Variants in RAPGEF4 observed in about 807,000 individuals in gnomAD.
The protein encoded by RAPGEF4 is Rap guanine nucleotide exchange factor 4.
Under a neutral mutation model 147.9 loss-of-function variants are expected in RAPGEF4, and 66 were observed. The ratio of observed to expected loss-of-function variants is 0.45; its 90% CI spans 0.37 to 0.55. The LOEUF (loss-of-function observed/expected upper bound fraction) is 0.55. Among genes scored for constraint, RAPGEF4 ranks in the 20% least tolerant of loss-of-function variants. RAPGEF4 has a pLI of 0.00. For missense variants in RAPGEF4, 1,071 were observed against 1,257.3 expected (o/e 0.85, Z 2.24); for synonymous variants, 419 against 442.7 (o/e 0.95, Z 0.67).
At chr2:172,833,635 G>A (rs759053964) in intron 4 of RAPGEF4, among the ~76,000 whole-genome samples, 2 of 152,180 alleles carry the variant, frequency 1.3e-5, no homozygotes, top group Non-Finnish European at 2.9e-5. Flanking sequence ...TGTATCTACA[G>A]TTTATGAGAT....
intron 17 of RAPGEF4, among the ~76,000 whole-genome samples, chr2:173,013,810 G>A (rs991535898): frequency 6.6e-6 from 1 of 152,166 alleles, no homozygotes; most frequent in African/African-American, 2.4e-5. Context: ...AATGTGCAAA[G>A]AGCCAGTAAG....
At chr2:172,741,577 C>T (rs1028105004) in intron 1 of RAPGEF4, among the ~76,000 whole-genome samples, 3 of 152,068 alleles carry the variant, frequency 2.0e-5, no homozygotes, top group African/African-American at 4.8e-5. Flanking sequence ...TCCTTAAATC[C>T]TCACCCACCT....
intron 1 of RAPGEF4, among the ~76,000 whole-genome samples, chr2:172,772,307 TTTTATATTATTTTATTA>T (rs202225019): frequency 0.03 from 4,495 of 151,260 alleles, 251 homozygotes; most frequent in African/African-American, 0.1. Flanking sequence ...ATTTTATGTT[TTTTATATTATTTTATTA>T]TTTATATTAT....
intron 4 of RAPGEF4, among the ~76,000 whole-genome samples, chr2:172,870,685 G>C (rs1217497191): frequency 2.0e-5 from 3 of 152,076 alleles, no homozygotes; most frequent in Non-Finnish European, 4.4e-5. Context: ...TATCACGAGA[G>C]ATATGCTGCT....
chr2:172,986,664 G>A (rs1692280072), intron 12 of RAPGEF4, among the ~76,000 whole-genome samples: 1 of 150,396 alleles, frequency 6.6e-6, no homozygotes, highest in South Asian at 2.1e-4. Flanking sequence ...CTTAATCTTT[G>A]TCAGATAATA....
At chr2:172,806,246 G>C (rs74850001) in intron 3 of RAPGEF4, among the ~76,000 whole-genome samples, 6,612 of 152,194 alleles carry the variant, frequency 0.043, 185 homozygotes, top group Middle Eastern at 0.068. Context: ...ATTTCAAATG[G>C]CTGCTGACAG....
At chr2:172,826,186 T>G (rs1331090044) in intron 4 of RAPGEF4, among the ~76,000 whole-genome samples, 1 of 152,216 alleles carries the variant, frequency 6.6e-6, no homozygotes, top group Non-Finnish European at 1.5e-5. Flanking sequence ...CAAACATGCT[T>G]TAAGCTTTGG....
intron 4 of RAPGEF4, among the ~76,000 whole-genome samples, chr2:172,909,358 C>T (rs1699896224): frequency 6.6e-6 from 1 of 152,200 alleles, no homozygotes; most frequent in Non-Finnish European, 1.5e-5. Context: ...TGTTCTTCAC[C>T]TGACTATTGA....
At chr2:172,933,694 TA>T (rs1214866369) in intron 6 of RAPGEF4, among the ~76,000 whole-genome samples, 4 of 152,220 alleles carry the variant, frequency 2.6e-5, no homozygotes, top group Non-Finnish European at 5.9e-5. Flanking sequence ...TGGCCCCTAT[TA>T]TATGTTATAT....
chr2:172,766,534 C>G (rs1324465732), intron 1 of RAPGEF4, among the ~76,000 whole-genome samples: 3 of 151,588 alleles, frequency 2.0e-5, no homozygotes, highest in Non-Finnish European at 4.4e-5. Flanking sequence ...GAGTGAGACT[C>G]TGTCTCAAAA....
intron 4 of RAPGEF4, among the ~76,000 whole-genome samples, chr2:172,890,784 C>G (rs578057513): frequency 8.5e-5 from 13 of 152,284 alleles, no homozygotes; most frequent in Admixed American, 5.9e-4. Context: ...TCACTGGATA[C>G]ATAATATGTG....
chr2:172,768,241 C>T (rs1337507646), intron 1 of RAPGEF4, among the ~76,000 whole-genome samples: 2 of 152,092 alleles, frequency 1.3e-5, no homozygotes, highest in Non-Finnish European at 2.9e-5. Context: ...AGCTCAAGGC[C>T]ATTGAGAGGA....
chr2:172,796,967 TA>T (rs947963499), intron 2 of RAPGEF4, among the ~76,000 whole-genome samples: 2 of 152,226 alleles, frequency 1.3e-5, no homozygotes, highest in African/African-American at 4.8e-5. Context: ...TCTAAATACC[TA>T]AATATTTTCT....
chr2:172,999,935 C>G (rs1160691422), intron 16 of RAPGEF4, among the ~76,000 whole-genome samples: 2 of 152,148 alleles, frequency 1.3e-5, no homozygotes, highest in African/African-American at 2.4e-5. Context: ...CCCTCCCCAG[C>G]CTTGGAGCAC....
At chr2:172,855,063 C>G (rs893328672) in intron 4 of RAPGEF4, among the ~76,000 whole-genome samples, 27 of 152,260 alleles carry the variant, frequency 1.8e-4, no homozygotes, top group African/African-American at 6.3e-4. Context: ...TGTCAGCTAG[C>G]TGTACTCTTC....
At chr2:172,804,817 A>G (rs1687323036) in intron 3 of RAPGEF4, among the ~76,000 whole-genome samples, 3 of 152,334 alleles carry the variant, frequency 2.0e-5, no homozygotes, top group Middle Eastern at 3.4e-3. Flanking sequence ...TCAGAGAAGT[A>G]TTAACTACAG....
intron 23 of RAPGEF4, among the ~76,000 whole-genome samples, chr2:173,024,260 C>T (rs1194947547): frequency 7.2e-6 from 1 of 138,134 alleles, no homozygotes; most frequent in Admixed American, 7.8e-5. Context: ...CTCTGTCGCC[C>T]AGGCTGGAGT....
chr2:172,845,291 A>G (rs1380379698), intron 4 of RAPGEF4, among the ~76,000 whole-genome samples: 1 of 152,210 alleles, frequency 6.6e-6, no homozygotes, highest in Non-Finnish European at 1.5e-5. Context: ...TTACAGGAGA[A>G]GTCATCGCCT....
chr2:172,771,178 C>A (rs1237220214), intron 1 of RAPGEF4, among the ~76,000 whole-genome samples: 1 of 151,810 alleles, frequency 6.6e-6, no homozygotes, highest in African/African-American at 2.4e-5. Flanking sequence ...GCTGGGAAGT[C>A]CAAGCTCAAG....
Sources: gnomAD v4.1 joint callset for allele counts (sites outside exome capture counted in the v4.1 genomes callset) on GRCh38, gnomAD v4.1.1 for gene constraint, MANE v1.5 for transcripts, NCBI Gene and HGNC (gene_info 2026-07-23, HGNC 2026-07-21) for gene names.